Variants in ASTN2 observed in about 807,000 individuals in gnomAD.
ASTN2 encodes astrotactin-2.
ASTN2 carries 54 observed loss-of-function variants against 139.8 expected under a neutral mutation model. The ratio of observed to expected loss-of-function variants is 0.39; its 90% CI spans 0.31 to 0.48. The LOEUF (loss-of-function observed/expected upper bound fraction) is 0.48. Among genes scored for constraint, ASTN2 ranks in the 20% least tolerant of loss-of-function variants. The pLI is 0.95. For synonymous variants in ASTN2, 756 were observed against 719.5 expected, an observed-to-expected ratio of 1.05 and a Z score of -0.81; for missense variants, 1,565 against 1,725.1, an observed-to-expected ratio of 0.91 and a Z score of 1.64.
chr9:116,939,130 C>T (rs1333423124), intron 10 of ASTN2, among the ~76,000 whole-genome samples: 3 of 152,128 alleles, frequency 2.0e-5, no homozygotes, highest in Non-Finnish European at 4.4e-5. Context: ...CTGTCACTAG[C>T]TGGTACAATT....
At chr9:116,477,474 G>A (rs377300776) in intron 20 of ASTN2, among the ~76,000 whole-genome samples, 1 of 152,012 alleles carries the variant, frequency 6.6e-6, no homozygotes, top group African/African-American at 2.4e-5. Context: ...ACTGAGCTCC[G>A]AGACCCTTGG....
At chr9:116,822,111 G>C (rs1250997815) in intron 11 of ASTN2, among the ~76,000 whole-genome samples, 1 of 151,176 alleles carries the variant, frequency 6.6e-6, no homozygotes, top group Non-Finnish European at 1.5e-5. Flanking sequence ...CCAACTCCCC[G>C]CTCCCCTTCC....
intron 13 of ASTN2, among the ~76,000 whole-genome samples, chr9:116,783,262 T>TTTCCTTCC (rs72137868): frequency 3.0e-5 from 4 of 132,390 alleles, no homozygotes; most frequent in South Asian, 2.7e-4. Context: ...TCATAAAATC[T>TTTCCTTCC]TTCCTTCCTT....
At chr9:116,998,274 G>T (rs1352112030) in intron 7 of ASTN2, among the ~76,000 whole-genome samples, 2 of 151,970 alleles carry the variant, frequency 1.3e-5, no homozygotes, top group African/African-American at 2.4e-5. Context: ...CCCAGTTGAG[G>T]CTCTCTGGAC....
chr9:117,216,689 T>A (rs1832331864), intron 2 of ASTN2, among the ~76,000 whole-genome samples: 1 of 152,192 alleles, frequency 6.6e-6, no homozygotes, highest in Non-Finnish European at 1.5e-5. Flanking sequence ...CAAAATTATG[T>A]GTGACATGAT....
chr9:116,887,336 A>G (rs4837980), intron 10 of ASTN2, among the ~76,000 whole-genome samples: 56,608 of 151,708 alleles, frequency 0.37, 12,592 homozygotes, highest in Non-Finnish European at 0.5. Context: ...AGGGACTGAG[A>G]TGGAGATGCC....
intron 11 of ASTN2, among the ~76,000 whole-genome samples, chr9:116,862,159 C>T (rs940087593): frequency 6.6e-5 from 10 of 152,124 alleles, no homozygotes; most frequent in African/African-American, 2.4e-4. Flanking sequence ...ATCTCCTGAC[C>T]TTTGTCTGTT....
chr9:117,184,649 T>G (rs532436030), intron 3 of ASTN2, among the ~76,000 whole-genome samples: 56 of 152,278 alleles, frequency 3.7e-4, no homozygotes, highest in Non-Finnish European at 7.4e-4. Context: ...TCTTCCTCTT[T>G]TCCTGGTTTT....
intron 5 of ASTN2, among the ~76,000 whole-genome samples, chr9:117,051,575 A>T (rs1309125410): frequency 6.6e-6 from 1 of 152,158 alleles, no homozygotes. Context: ...AGTTCTAAAA[A>T]CTGGCCCCCA....
chr9:116,980,952 G>A (rs1029269758), intron 7 of ASTN2, among the ~76,000 whole-genome samples: 8 of 152,104 alleles, frequency 5.3e-5, no homozygotes, highest in Admixed American at 3.3e-4. Context: ...ATGTAACCAT[G>A]CTGACTGTGA....
intron 9 of ASTN2, 91 bp downstream of exon 9, chr9:116,976,023 G>A: frequency 8.0e-7 from 1 of 1,255,022 alleles, no homozygotes; most frequent in Non-Finnish European, 1.2e-6. Context: ...GAAGTGCACA[G>A]GCTCAATAGT....
At chr9:117,085,570 T>C (rs1031714200) in intron 5 of ASTN2, among the ~76,000 whole-genome samples, 1 of 152,160 alleles carries the variant, frequency 6.6e-6, no homozygotes, top group African/African-American at 2.4e-5. Flanking sequence ...CCAGGCCCCC[T>C]TTGTTGGTGG....
At chr9:116,670,042 T>C (rs1435178116) in intron 16 of ASTN2, among the ~76,000 whole-genome samples, 1 of 152,140 alleles carries the variant, frequency 6.6e-6, no homozygotes, top group African/African-American at 2.4e-5. Flanking sequence ...TGACCTCAGG[T>C]GATCCACCCG....
chr9:116,508,556 C>T (rs555812444), intron 19 of ASTN2, among the ~76,000 whole-genome samples: 2 of 152,182 alleles, frequency 1.3e-5, no homozygotes, highest in East Asian at 3.9e-4. Flanking sequence ...TCATCAAAAC[C>T]CTTGCCCACG....
chr9:116,692,885 T>C (rs1860643746), intron 16 of ASTN2, among the ~76,000 whole-genome samples: 1 of 152,180 alleles, frequency 6.6e-6, no homozygotes, highest in Admixed American at 6.5e-5. Context: ...TAGCATTTCA[T>C]ACTTAGTCTC....
At chr9:117,023,499 A>G (rs1208041941) in intron 6 of ASTN2, among the ~76,000 whole-genome samples, 1 of 152,096 alleles carries the variant, frequency 6.6e-6, no homozygotes, top group Non-Finnish European at 1.5e-5. Context: ...TAATTATTTT[A>G]CACCATTTTA....
intron 12 of ASTN2, among the ~76,000 whole-genome samples, chr9:116,815,804 C>CAAAAAAAAAAAAAAGAAAAAAAAAA (rs1831304068): frequency 4.1e-5 from 1 of 24,108 alleles, no homozygotes; most frequent in Admixed American, 8.7e-4. Flanking sequence ...GACTCCGTCT[C>CAAAAAAAAAAAAAAGAAAAAAAAAA]AAAAAAAAAA....
At chr9:117,387,116 C>G (rs1266488905) in intron 1 of ASTN2, among the ~76,000 whole-genome samples, 1 of 152,158 alleles carries the variant, frequency 6.6e-6, no homozygotes, top group Non-Finnish European at 1.5e-5. Context: ...ATGAGCAACA[C>G]AGGGGCTTGT....
chr9:116,577,600 A>G (rs958659808), intron 19 of ASTN2, among the ~76,000 whole-genome samples: 6 of 152,212 alleles, frequency 3.9e-5, no homozygotes, highest in Non-Finnish European at 7.4e-5. Flanking sequence ...CACTGGGTCT[A>G]TGAAAACAGT....
Sources: allele counts gnomAD v4.1 joint callset (sites outside exome capture counted in the v4.1 genomes callset), GRCh38; gene constraint gnomAD v4.1.1; transcripts MANE v1.5; gene names NCBI Gene and HGNC (gene_info 2026-07-23, HGNC 2026-07-21).